The following NRXN3 variants were observed in gnomAD, a reference collection of about 807,000 sequenced individuals.
NRXN3 encodes neurexin 3.
Under a neutral mutation model 137.6 loss-of-function variants are expected in NRXN3, and 32 were observed. The ratio of observed to expected loss-of-function variants is 0.23; its 90% CI spans 0.18 to 0.31. The LOEUF is 0.31. NRXN3 is among the 10% of genes least tolerant of loss of function. NRXN3 has a pLI of 1.00. For missense variants in NRXN3, 1,574 were observed against 2,062.5 expected, an observed-to-expected ratio of 0.76 and a Z score of 4.59; for synonymous variants, 798 against 784.5, an observed-to-expected ratio of 1.02 and a Z score of -0.29.
chr14:79,270,992 C>T (rs2079204433), intron 15 of NRXN3, among the ~76,000 whole-genome samples: 1 of 152,152 alleles, frequency 6.6e-6, no homozygotes, highest in African/African-American at 2.4e-5. Flanking sequence ...TCTTATTCTC[C>T]TCTCAAATTC....
chr14:79,080,613 T>C (rs1301041305), intron 15 of NRXN3, among the ~76,000 whole-genome samples: 1 of 152,212 alleles, frequency 6.6e-6, no homozygotes, highest in Non-Finnish European at 1.5e-5. Context: ...TGTCGTTATA[T>C]GTTTCAGATA....
At chr14:78,203,060 G>A (rs1323713155) in intron 1 of NRXN3, among the ~76,000 whole-genome samples, 1 of 152,146 alleles carries the variant, frequency 6.6e-6, no homozygotes, top group Admixed American at 6.5e-5. Context: ...GGCATGTCAA[G>A]GCTCATATCT....
At chr14:79,031,977 C>T (rs1005525343) in intron 15 of NRXN3, among the ~76,000 whole-genome samples, 1 of 152,018 alleles carries the variant, frequency 6.6e-6, no homozygotes, top group Non-Finnish European at 1.5e-5. Flanking sequence ...AAAAAATAAC[C>T]CAACCGGACT....
intron 15 of NRXN3, among the ~76,000 whole-genome samples, chr14:79,445,354 G>GAAAGAAAA (rs1300951504): frequency 1.3e-5 from 2 of 150,440 alleles, no homozygotes; most frequent in African/African-American, 4.9e-5. Flanking sequence ...AAAAAAGAAA[G>GAAAGAAAA]AAAGAAAAAA....
At chr14:79,016,420 C>T (rs1283744653) in intron 15 of NRXN3, among the ~76,000 whole-genome samples, 1 of 152,188 alleles carries the variant, frequency 6.6e-6, no homozygotes, top group Admixed American at 6.5e-5. Context: ...AAACCTCTTA[C>T]ACAGTAAATT....
At chr14:79,456,492 C>T (rs1459602772) in intron 15 of NRXN3, among the ~76,000 whole-genome samples, 1 of 152,154 alleles carries the variant, frequency 6.6e-6, no homozygotes, top group East Asian at 1.9e-4. Context: ...TTTGGGAGGC[C>T]AAGACGGGCG....
At chr14:78,948,676 C>T (rs1189554180) in intron 10 of NRXN3, among the ~76,000 whole-genome samples, 1 of 121,372 alleles carries the variant, frequency 8.2e-6, no homozygotes, top group African/African-American at 3.1e-5. Context: ...GTTCTGTATG[C>T]TAGGCCTGTA....
chr14:79,735,017 T>C (rs867060234), intron 19 of NRXN3, among the ~76,000 whole-genome samples: 5 of 152,294 alleles, frequency 3.3e-5, no homozygotes, highest in Admixed American at 6.5e-5. Context: ...TAGAATTTTA[T>C]TCAATTTAAA....
At chr14:79,280,132 T>C in intron 15 of NRXN3, 4 of 1,469,852 alleles carry the variant, frequency 2.7e-6, no homozygotes, top group Non-Finnish European at 3.6e-6. Flanking sequence ...AGTAATTTTT[T>C]AACTGATTCA....
At chr14:79,187,319 T>C (rs910440706) in intron 15 of NRXN3, among the ~76,000 whole-genome samples, 2 of 152,208 alleles carry the variant, frequency 1.3e-5, no homozygotes, top group African/African-American at 4.8e-5. Context: ...GAGCTAACAT[T>C]TGTTTCCAGG....
At chr14:78,685,705 C>T (rs1018719531) in intron 6 of NRXN3, among the ~76,000 whole-genome samples, 9 of 150,636 alleles carry the variant, frequency 6.0e-5, no homozygotes, top group Admixed American at 2.0e-4. Context: ...TGATCTCAGC[C>T]CACCACAACC....
At chr14:78,882,540 G>T (rs987121059) in intron 10 of NRXN3, among the ~76,000 whole-genome samples, 1 of 151,760 alleles carries the variant, frequency 6.6e-6, no homozygotes, top group African/African-American at 2.4e-5. Context: ...TTTAATGACT[G>T]CCCTATTGGA....
At chr14:78,190,895 G>A (rs11623815) in intron 1 of NRXN3, among the ~76,000 whole-genome samples, 62,756 of 151,688 alleles carry the variant, frequency 0.41, 13,376 homozygotes, top group Middle Eastern at 0.5. Flanking sequence ...GCTAGTCTCG[G>A]ATGCCTGGCC....
At chr14:79,504,639 T>TATATATATATA (rs60009832) in intron 16 of NRXN3, among the ~76,000 whole-genome samples, 1,334 of 92,990 alleles carry the variant, frequency 0.014, 89 homozygotes, top group Middle Eastern at 0.02. Context: ...AAATGAAGTT[T>TATATATATATA]TTTATATATA....
intron 4 of NRXN3, among the ~76,000 whole-genome samples, chr14:78,604,797 C>T (rs1233135813): frequency 6.6e-6 from 1 of 152,118 alleles, no homozygotes; most frequent in African/African-American, 2.4e-5. Context: ...GCTGTTCAAC[C>T]TTAGAAATTC....
At chr14:79,399,019 A>AAAT (rs2095110075) in intron 15 of NRXN3, among the ~76,000 whole-genome samples, 1 of 150,992 alleles carries the variant, frequency 6.6e-6, no homozygotes, top group Non-Finnish European at 1.5e-5. Context: ...AAAAAAAAAA[A>AAAT]AAAAAAAAGA....
chr14:78,717,060 T>G (rs1168596603), intron 8 of NRXN3, among the ~76,000 whole-genome samples: 1 of 152,126 alleles, frequency 6.6e-6, no homozygotes, highest in African/African-American at 2.4e-5. Flanking sequence ...ACAGTTTTGG[T>G]GTTTGCCAAA....
intron 19 of NRXN3, among the ~76,000 whole-genome samples, chr14:79,752,219 G>A (rs552427021): frequency 3.0e-5 from 4 of 133,638 alleles, no homozygotes; most frequent in African/African-American, 7.8e-5. Flanking sequence ...TTTTTGCTTG[G>A]TAAGCTATTG....
intron 6 of NRXN3, among the ~76,000 whole-genome samples, chr14:78,669,559 G>C (rs370594727): frequency 6.6e-6 from 1 of 152,132 alleles, no homozygotes; most frequent in Non-Finnish European, 1.5e-5. Flanking sequence ...TGCTACACAG[G>C]TAGTTTGATT....
Sources: allele counts gnomAD v4.1 joint callset (sites outside exome capture counted in the v4.1 genomes callset), GRCh38; gene constraint gnomAD v4.1.1; transcripts MANE v1.5; gene names NCBI Gene and HGNC (gene_info 2026-07-23, HGNC 2026-07-21).